Variants in BACH1 observed in about 807,000 individuals in gnomAD.
BACH1 encodes the protein BTB domain and CNC homolog 1.
A neutral mutation model predicts 52.9 loss-of-function variants in BACH1; 35 were observed. The observed-to-expected ratio is 0.66, with a 90% CI of 0.51 to 0.88. The LOEUF (loss-of-function observed/expected upper bound fraction) is 0.88. BACH1 is among the 40% of genes least tolerant of loss of function. The probability of loss-of-function intolerance (pLI) is 0.00; values close to 1 mark genes in which losing one functional copy is unlikely to be tolerated. For missense variants in BACH1, 808 were observed against 872.6 expected (o/e 0.93, Z 0.93); for synonymous variants, 321 against 319.6 (o/e 1.00, Z -0.05).
intron 4 of BACH1, among the ~76,000 whole-genome samples, chr21:29,330,678 A>G (rs886479917): frequency 6.6e-6 from 1 of 152,144 alleles, no homozygotes; most frequent in Non-Finnish European, 1.5e-5. Flanking sequence ...TGAATATTCA[A>G]TTTTGTGTCT....
At chr21:29,341,580 G>A (rs987715324) in intron 4 of BACH1, among the ~76,000 whole-genome samples, 1 of 152,034 alleles carries the variant, frequency 6.6e-6, no homozygotes, top group African/African-American at 2.4e-5. Context: ...AAAATTCTGT[G>A]GTAGACTTTC....
At position 29,326,373 on chromosome 21, in the gene BACH1, G is replaced by A. The variant is rs571532697; in HGVS notation, c.549G>A (p.Gln183=). Residue 183 remains glutamine (Q), a synonymous_variant, in exon 3 of 5, where the codon CAG becomes CAA. Transcript: ENST00000286800. ...AAAATAAAAATGTTCAGACTCCTCA[G>A]TGTAAACTCCGCAGGTATCAAGGAA... The part of the protein sequence containing the change: ...FLENKNVQTP[Q]CKLRRYQGNA... 68 of 1,614,202 alleles carry A rather than the reference G, an allele frequency of 4.2e-5. No individual in the cohort carries two copies. The East Asian group carries it at 1.2e-3, about 30-fold the overall frequency.
At chr21:29,349,611 T>C (rs2832287), downstream of BACH1, among the ~76,000 whole-genome samples, 19,056 of 152,144 alleles carry the variant, frequency 0.13, 1,548 homozygotes, top group East Asian at 0.36. Context: ...TTTAAGATCA[T>C]GGGTAGTACA....
chr21:29,302,821 T>TTAA (rs1211047997), intron 1 of BACH1, among the ~76,000 whole-genome samples: 1 of 152,202 alleles, frequency 6.6e-6, no homozygotes. Context: ...CACTCTTATG[T>TTAA]TAAGTCAGTA....
At chr21:29,349,985 C>A (rs2089192926), downstream of BACH1, among the ~76,000 whole-genome samples, 1 of 152,112 alleles carries the variant, frequency 6.6e-6, no homozygotes, top group Non-Finnish European at 1.5e-5. Flanking sequence ...TGCCCCTCCC[C>A]ACCAGCCTCT....
At chr21:29,315,787 A>G (rs1480316571) in intron 1 of BACH1, among the ~76,000 whole-genome samples, 1 of 152,218 alleles carries the variant, frequency 6.6e-6, no homozygotes, top group Non-Finnish European at 1.5e-5. Flanking sequence ...GTGTAAATTG[A>G]TTATAATGAT....
At chr21:29,300,304 A>AT (rs949494769) in intron 1 of BACH1, 2 of 152,218 alleles carry the variant, frequency 1.3e-5, no homozygotes, top group Non-Finnish European at 2.9e-5. Context: ...TGACTCTCTA[A>AT]AAAGTTGGGT....
At chr21:29,316,387 G>A (rs898374043) in intron 1 of BACH1, among the ~76,000 whole-genome samples, 3 of 152,198 alleles carry the variant, frequency 2.0e-5, no homozygotes, top group Admixed American at 6.5e-5. Flanking sequence ...ATCAGCACTA[G>A]TGAATGAATT....
At chr21:29,301,301 A>G (rs1277812653) in intron 1 of BACH1, among the ~76,000 whole-genome samples, 1 of 152,208 alleles carries the variant, frequency 6.6e-6, no homozygotes, top group African/African-American at 2.4e-5. Flanking sequence ...TTAAAGATGC[A>G]GACTAACAAT....
chr21:29,319,668 G>A (rs1240840442), intron 1 of BACH1, among the ~76,000 whole-genome samples: 1 of 147,762 alleles, frequency 6.8e-6, no homozygotes. Flanking sequence ...AGTAAGATTA[G>A]TATAGTTTTG....
intron 4 of BACH1, among the ~76,000 whole-genome samples, chr21:29,330,441 A>C (rs2088967502): frequency 1.3e-5 from 2 of 151,990 alleles, no homozygotes. Context: ...CGGCCTCCCA[A>C]AGGGATTTCA....
At chr21:29,338,546 T>C (rs2089072330) in intron 4 of BACH1, among the ~76,000 whole-genome samples, 1 of 152,096 alleles carries the variant, frequency 6.6e-6, no homozygotes, top group Non-Finnish European at 1.5e-5. Context: ...GGGTAATTTT[T>C]TTGTGAAGGT....
At chr21:29,312,982 A>T (rs1045536586) in intron 1 of BACH1, among the ~76,000 whole-genome samples, 1 of 152,250 alleles carries the variant, frequency 6.6e-6, no homozygotes, top group African/African-American at 2.4e-5. Context: ...AGGAGGCTCA[A>T]CATCCATTAC....
intron 2 of BACH1, among the ~76,000 whole-genome samples, chr21:29,323,491 A>G (rs2088873057): frequency 6.6e-6 from 1 of 152,208 alleles, no homozygotes; most frequent in Non-Finnish European, 1.5e-5. Context: ...GGGGAGAAAG[A>G]TGAAAGCTGG....
At chr21:29,332,119 A>G (rs1240377445) in intron 4 of BACH1, among the ~76,000 whole-genome samples, 1 of 152,086 alleles carries the variant, frequency 6.6e-6, no homozygotes, top group Non-Finnish European at 1.5e-5. Flanking sequence ...TTTTTAGTGG[A>G]GAACAGGGGC....
At chr21:29,348,763 A>G (rs574843839), downstream of BACH1, among the ~76,000 whole-genome samples, 215 of 152,246 alleles carry the variant, frequency 1.4e-3, no homozygotes, top group African/African-American at 4.9e-3. Context: ...GTTTAGGCCT[A>G]AGAAAGTTGC....
chr21:29,330,190 A>G (rs1389980657), intron 4 of BACH1, among the ~76,000 whole-genome samples: 1 of 152,084 alleles, frequency 6.6e-6, no homozygotes, highest in African/African-American at 2.4e-5. Flanking sequence ...TTTGAGATGG[A>G]GTCTTGCTTT....
intron 4 of BACH1, among the ~76,000 whole-genome samples, chr21:29,337,678 A>G (rs2089060386): frequency 6.6e-6 from 1 of 152,172 alleles, no homozygotes; most frequent in Non-Finnish European, 1.5e-5. Flanking sequence ...GGTGGGGAAC[A>G]TCACACACCG....
intron 4 of BACH1, among the ~76,000 whole-genome samples, chr21:29,337,338 G>C (rs1183775796): frequency 1.3e-5 from 2 of 152,098 alleles, no homozygotes; most frequent in African/African-American, 4.8e-5. Context: ...ATATGCATCT[G>C]TGTATAAAAT....
Sources: allele counts gnomAD v4.1 joint callset (sites outside exome capture counted in the v4.1 genomes callset), GRCh38; gene constraint gnomAD v4.1.1; transcripts MANE v1.5; gene names NCBI Gene and HGNC (gene_info 2026-07-23, HGNC 2026-07-21).